PPFIBP1: variants seen among roughly 807,000 people sequenced by gnomAD.
The protein encoded by PPFIBP1 is liprin-beta-1.
PPFIBP1 carries 112 observed loss-of-function variants against 137.8 expected under a neutral mutation model. The observed-to-expected ratio is 0.81, with a 90% CI of 0.70 to 0.95. The LOEUF is 0.95. Among genes scored for constraint, PPFIBP1 ranks in the 40% least tolerant of loss-of-function variants. The pLI, the probability that PPFIBP1 is intolerant of heterozygous loss-of-function variation, is 0.00. For synonymous variants in PPFIBP1, 378 were observed against 417.3 expected, an observed-to-expected ratio of 0.91 and a Z score of 1.15; for missense variants, 1,083 against 1,196.6, an observed-to-expected ratio of 0.91 and a Z score of 1.40.
At chr12:27,529,842 T>C (rs927091309) in intron 1 of PPFIBP1, among the ~76,000 whole-genome samples, 1 of 152,248 alleles carries the variant, frequency 6.6e-6, no homozygotes, top group Admixed American at 6.5e-5. Flanking sequence ...TGGACTCTTT[T>C]ATGGTATGCA....
intron 1 of PPFIBP1, among the ~76,000 whole-genome samples, chr12:27,537,410 C>T (rs763003351): frequency 2.0e-5 from 3 of 152,146 alleles, no homozygotes; most frequent in African/African-American, 7.2e-5. Flanking sequence ...GGATTACAGA[C>T]GTGAGCCACC....
At chr12:27,537,287 A>G (rs1353016924) in intron 1 of PPFIBP1, among the ~76,000 whole-genome samples, 1 of 152,054 alleles carries the variant, frequency 6.6e-6, no homozygotes, top group Admixed American at 6.5e-5. Flanking sequence ...GCCTGCCACC[A>G]CGTCCAGCTA....
At chr12:27,650,240 G>A in intron 7 of PPFIBP1, 99 bp downstream of exon 7, 1 of 1,090,690 alleles carries the variant, frequency 9.2e-7, no homozygotes, top group Non-Finnish European at 1.3e-6. Context: ...AAATTCCCTG[G>A]AGGTGTGCAA....
chr12:27,528,193 T>TCTG (rs1438259751), intron 1 of PPFIBP1, among the ~76,000 whole-genome samples: 1 of 152,028 alleles, frequency 6.6e-6, no homozygotes, highest in African/African-American at 2.4e-5. Context: ...AGGTGATCTG[T>TCTG]CTGCCTCAGC....
intron 1 of PPFIBP1, among the ~76,000 whole-genome samples, chr12:27,568,836 A>G (rs775035735): frequency 2.6e-5 from 4 of 152,218 alleles, no homozygotes; most frequent in Non-Finnish European, 5.9e-5. Context: ...CTGTTTTTCC[A>G]ACTACATTGT....
At chr12:27,660,033 T>G (rs2059445877) in intron 10 of PPFIBP1, among the ~76,000 whole-genome samples, 2 of 152,048 alleles carry the variant, frequency 1.3e-5, no homozygotes, top group Non-Finnish European at 2.9e-5. Context: ...TTTTTTAGTT[T>G]GTGATTTCAT....
chr12:27,665,258 G>A (rs764084964), intron 12 of PPFIBP1, among the ~76,000 whole-genome samples: 6 of 152,174 alleles, frequency 3.9e-5, no homozygotes, highest in East Asian at 1.9e-4. Context: ...ATTGAGAGCC[G>A]CAGAAACCAA....
Position 27,633,117 on chromosome 12 carries a change from G to A in PPFIBP1, c.-35-245G>A, listed in dbSNP as rs187444374. Among the ~76,000 whole-genome samples, 395 of 152,252 alleles carry A rather than the reference G, an allele frequency of 2.6e-3. 1 individual carries two copies. The highest frequency in any genetic ancestry group is 4.4e-3 in the Admixed American group (67 of 15,288). On this transcript the variant is annotated intron_variant, in intron 2 of 29. Transcript: ENST00000228425. Reference sequence around the variant, plus strand: ...GCCTAGAGTTCTAGAGAACAGCATGGAAACCATGCTAGTGGATTTTAAACA... The same window carrying A: ...GCCTAGAGTTCTAGAGAACAGCATGAAAACCATGCTAGTGGATTTTAAACA...
intron 4 of PPFIBP1, among the ~76,000 whole-genome samples, chr12:27,638,563 C>T (rs2057860536): frequency 1.3e-5 from 2 of 152,168 alleles, no homozygotes; most frequent in Admixed American, 1.3e-4. Flanking sequence ...ACCCTGTGAA[C>T]TAACATATGC....
chr12:27,629,054 T>C (rs1032035575), intron 2 of PPFIBP1, among the ~76,000 whole-genome samples: 3 of 152,160 alleles, frequency 2.0e-5, no homozygotes, highest in African/African-American at 7.2e-5. Flanking sequence ...GGCAGAGGGC[T>C]CCCTGAAATC....
chr12:27,613,268 T>C (rs976160020), intron 2 of PPFIBP1, among the ~76,000 whole-genome samples: 1 of 152,250 alleles, frequency 6.6e-6, no homozygotes, highest in African/African-American at 2.4e-5. Context: ...TTCCATCTGG[T>C]GACCTGATGG....
intron 11 of PPFIBP1, among the ~76,000 whole-genome samples, chr12:27,663,471 A>C (rs1593224420): frequency 6.6e-6 from 1 of 152,202 alleles, no homozygotes; most frequent in African/African-American, 2.4e-5. Flanking sequence ...AAATCGAAGA[A>C]AAGAAAGAGT....
At chr12:27,544,264 A>C (rs931963941) in intron 1 of PPFIBP1, among the ~76,000 whole-genome samples, 3 of 152,200 alleles carry the variant, frequency 2.0e-5, no homozygotes, top group African/African-American at 7.2e-5. Context: ...ATGGACAAAC[A>C]AACTTGGTAC....
rs1363848789 is a variant in PPFIBP1 at position 27,602,879 on chromosome 12, C to A, written c.-36+24640C>A. Among the ~76,000 whole-genome samples, 5 of 152,308 alleles carry A rather than the reference C, an allele frequency of 3.3e-5. No individual in the cohort carries two copies. In the East Asian group the frequency reaches 7.7e-4, roughly 23 times the overall value. On this transcript the variant is annotated intron_variant, in intron 2 of 29. Coordinates refer to ENST00000228425, the MANE Select transcript of PPFIBP1 (RefSeq NM_003622.4). ...GCCTCATTTAGTTTTTGCAACAACCCTTTCCAGTAGAAATTGCAGGTATTA... is the reference window on the plus strand; with the variant it reads ...GCCTCATTTAGTTTTTGCAACAACCATTTCCAGTAGAAATTGCAGGTATTA...
At chr12:27,639,296 G>T (rs1465906862) in intron 4 of PPFIBP1, among the ~76,000 whole-genome samples, 1 of 152,214 alleles carries the variant, frequency 6.6e-6, no homozygotes, top group Non-Finnish European at 1.5e-5. Flanking sequence ...AATATAATGT[G>T]TTAACACAGA....
intron 2 of PPFIBP1, among the ~76,000 whole-genome samples, chr12:27,597,207 G>C (rs536490282): frequency 6.6e-6 from 1 of 152,020 alleles, no homozygotes; most frequent in Non-Finnish European, 1.5e-5. Context: ...TCGTTCTGTC[G>C]CCCAGGCTGG....
At chr12:27,531,747 G>A (rs1035008435) in intron 1 of PPFIBP1, among the ~76,000 whole-genome samples, 1 of 152,082 alleles carries the variant, frequency 6.6e-6, no homozygotes, top group Non-Finnish European at 1.5e-5. Flanking sequence ...GAAGGTTCTC[G>A]GTAGGTTTAT....
At chr12:27,626,962 T>G (rs1424913525) in intron 2 of PPFIBP1, among the ~76,000 whole-genome samples, 2 of 152,216 alleles carry the variant, frequency 1.3e-5, no homozygotes, top group African/African-American at 4.8e-5. Context: ...GGGTTTTGTT[T>G]TAAATTAATT....
intron 1 of PPFIBP1, chr12:27,547,742 TTTTG>T (rs1458115821): frequency 6.6e-6 from 1 of 152,276 alleles, no homozygotes; most frequent in Non-Finnish European, 1.5e-5. Flanking sequence ...GGGGCTGGAC[TTTTG>T]TTTGCCTACA....
Sources: gnomAD v4.1 joint callset for allele counts (sites outside exome capture counted in the v4.1 genomes callset) on GRCh38, gnomAD v4.1.1 for gene constraint, MANE v1.5 for transcripts, NCBI Gene and HGNC (gene_info 2026-07-23, HGNC 2026-07-21) for gene names.